The following CRISPLD2 variants were observed in gnomAD, a reference collection of about 807,000 sequenced individuals.
The protein encoded by CRISPLD2 is cysteine rich secretory protein LCCL domain containing 2.
In CRISPLD2, 47 loss-of-function variants were observed where a neutral mutation model predicts 71.1. The ratio of observed to expected loss-of-function variants is 0.66; its 90% CI spans 0.52 to 0.84. The LOEUF is 0.84. Ranked by LOEUF, CRISPLD2 falls within the 40% of genes least tolerant of loss-of-function variation. The probability of loss-of-function intolerance (pLI) is 0.00; values close to 1 mark genes in which losing one functional copy is unlikely to be tolerated. For missense variants in CRISPLD2, 830 were observed against 651.1 expected, an observed-to-expected ratio of 1.27 and a Z score of -2.99; for synonymous variants, 317 against 250.1, an observed-to-expected ratio of 1.27 and a Z score of -2.52.
chr16:84,844,476 CT>C (rs1291765605), intron 2 of CRISPLD2, among the ~76,000 whole-genome samples: 3 of 151,068 alleles, frequency 2.0e-5, no homozygotes, highest in Non-Finnish European at 4.4e-5. Context: ...CTTTTCTTTT[CT>C]TTTCTTTCTT....
Position 84,907,422 on chromosome 16 carries a change from G to A in CRISPLD2, c.*780G>A, listed in dbSNP as rs2071813275. On this transcript the variant is annotated 3_prime_UTR_variant, in exon 15 of 15. Transcript: ENST00000262424. The stretch of plus-strand genomic sequence containing the variant: ...TGCCGTGACCTTTGGTCCCATTGAG[G>A]ACTAAGGATCGGGACCCTTTCTTTA... The A allele has an allele frequency of 6.6e-6, 1 of 152,344 alleles. No individual in the cohort carries two copies. The highest frequency in any genetic ancestry group is 2.4e-5 in the African/African-American group (1 of 41,470). The allele number at this position is 152,344 out of a possible 1,614,324, so 9.4% of individuals were successfully genotyped here.
At chr16:84,880,403 C>G in intron 12 of CRISPLD2, 106 bp from the exon 13 acceptor site, 1 of 832,276 alleles carries the variant, frequency 1.2e-6, no homozygotes, top group East Asian at 2.5e-5. Context: ...TGGCGGTTTC[C>G]TTTCATCTAC....
intron 1 of CRISPLD2, among the ~76,000 whole-genome samples, chr16:84,821,871 T>G (rs1874013): frequency 0.36 from 54,351 of 152,150 alleles, 10,115 homozygotes; most frequent in Middle Eastern, 0.41. Flanking sequence ...CCTGCTCTAT[T>G]AGCTGGGCAC....
At chr16:84,873,845 C>G (rs559184525) in intron 10 of CRISPLD2, 75 bp from the exon 11 acceptor site, 7 of 1,340,996 alleles carry the variant, frequency 5.2e-6, no homozygotes, top group African/African-American at 4.5e-5. Flanking sequence ...AGTATAGGAG[C>G]AAGCGTTCAC....
At chr16:84,867,449 A>G (rs1450016229) in intron 7 of CRISPLD2, among the ~76,000 whole-genome samples, 1 of 152,230 alleles carries the variant, frequency 6.6e-6, no homozygotes, top group African/African-American at 2.4e-5. Context: ...CAGTTGGCGC[A>G]TCCATGAAGT....
intron 1 of CRISPLD2, among the ~76,000 whole-genome samples, chr16:84,837,903 T>C (rs112685031): frequency 2.0e-5 from 3 of 152,294 alleles, no homozygotes; most frequent in African/African-American, 4.8e-5. Context: ...GTGCAACAGA[T>C]GTGCGGGTGG....
intron 12 of CRISPLD2, among the ~76,000 whole-genome samples, chr16:84,879,177 C>T (rs894128871): frequency 6.6e-6 from 1 of 152,188 alleles, no homozygotes; most frequent in African/African-American, 2.4e-5. Context: ...CTTGAATGTT[C>T]GAGTGGGGAT....
intron 1 of CRISPLD2, among the ~76,000 whole-genome samples, chr16:84,831,496 C>T (rs967135625): frequency 7.9e-5 from 12 of 152,092 alleles, no homozygotes; most frequent in South Asian, 2.1e-4. Flanking sequence ...CAGGCTCAAG[C>T]GATCCTCCCG....
chr16:84,866,768 C>T (rs1316173001), intron 6 of CRISPLD2, 129 bp from the exon 7 acceptor site: 5 of 860,080 alleles, frequency 5.8e-6, no homozygotes, highest in South Asian at 5.0e-5. Flanking sequence ...TTTCTCTTTG[C>T]CGCTGAAATG....
At chr16:84,836,636 C>A (rs1016375880) in intron 1 of CRISPLD2, among the ~76,000 whole-genome samples, 1 of 152,172 alleles carries the variant, frequency 6.6e-6, no homozygotes, top group Non-Finnish European at 1.5e-5. Context: ...CTCTTTGGCT[C>A]AGCCTCTGTC....
At chr16:84,838,787 C>T in intron 2 of CRISPLD2, 52 bp downstream of exon 2, 1 of 1,564,126 alleles carries the variant, frequency 6.4e-7, no homozygotes, top group Non-Finnish European at 8.6e-7. Flanking sequence ...GGGCCTGGGC[C>T]ACCAGCCTGC....
At chr16:84,838,919 C>CAAAACAA in intron 2 of CRISPLD2, 184 bp downstream of exon 2, 1 of 810,748 alleles carries the variant, frequency 1.2e-6, no homozygotes, top group Non-Finnish European at 2.0e-6. Context: ...GACAGGGTCT[C>CAAAACAA]ACTCTGCCAC....
At chr16:84,827,960 G>T (rs748599149) in intron 1 of CRISPLD2, among the ~76,000 whole-genome samples, 7 of 152,096 alleles carry the variant, frequency 4.6e-5, no homozygotes, top group African/African-American at 1.7e-4. Flanking sequence ...TTCGCCATCC[G>T]TGTGTCCGGG....
At chr16:84,889,184 G>A in intron 13 of CRISPLD2, 46 bp from the exon 14 acceptor site, 1 of 1,613,110 alleles carries the variant, frequency 6.2e-7, no homozygotes, top group Non-Finnish European at 8.5e-7. Flanking sequence ...CTTGACCCAT[G>A]AGCTGGAATC....
At chr16:84,846,503 G>A (rs756845111) in intron 3 of CRISPLD2, among the ~76,000 whole-genome samples, 4 of 151,994 alleles carry the variant, frequency 2.6e-5, no homozygotes, top group Non-Finnish European at 4.4e-5. Flanking sequence ...ATCCACCCAC[G>A]TTGGCCTCCT....
chr16:84,830,254 T>G (rs1169516878), intron 1 of CRISPLD2, among the ~76,000 whole-genome samples: 2 of 152,140 alleles, frequency 1.3e-5, no homozygotes, highest in African/African-American at 4.8e-5. Context: ...CCTGGGAGGT[T>G]GAGGCTGCAG....
chr16:84,849,974 G>A (rs1048106091), intron 4 of CRISPLD2, among the ~76,000 whole-genome samples: 8 of 150,646 alleles, frequency 5.3e-5, no homozygotes, highest in Non-Finnish European at 8.9e-5. Context: ...AATCCTCCCC[G>A]CTCAGCTTCC....
At chr16:84,863,982 AAGAG>A (rs1320169294) in intron 6 of CRISPLD2, among the ~76,000 whole-genome samples, 3 of 144,562 alleles carry the variant, frequency 2.1e-5, no homozygotes, top group Non-Finnish European at 3.0e-5. Context: ...AAAAGAAAGA[AAGAG>A]AGAGAGAAAA....
At chr16:84,889,133 C>A (rs548229492) in intron 13 of CRISPLD2, 97 bp from the exon 14 acceptor site, 11 of 1,528,118 alleles carry the variant, frequency 7.2e-6, no homozygotes, top group Non-Finnish European at 9.9e-6. Context: ...CACATCCCAC[C>A]AGCCAGGTTG....
Sources: allele counts gnomAD v4.1 joint callset (sites outside exome capture counted in the v4.1 genomes callset), GRCh38; gene constraint gnomAD v4.1.1; transcripts MANE v1.5; gene names NCBI Gene and HGNC (gene_info 2026-07-23, HGNC 2026-07-21).